Variants in MARCHF10 observed in about 807,000 individuals in gnomAD.
MARCHF10 encodes the protein probable E3 ubiquitin-protein ligase MARCHF10.
In MARCHF10, 64 loss-of-function variants were observed where a neutral mutation model predicts 76.2. That is an observed-to-expected ratio of 0.84 (90% CI 0.69 to 1.03). The LOEUF is 1.03. Ranked by LOEUF, MARCHF10 falls within the 50% of genes least tolerant of loss-of-function variation. MARCHF10 has a pLI of 0.00. For synonymous variants in MARCHF10, 340 were observed against 357.5 expected (o/e 0.95, Z 0.55); for missense variants, 875 against 958.0 (o/e 0.91, Z 1.14).
chr17:62,762,696 G>A (rs1470841410), intron 3 of MARCHF10, among the ~76,000 whole-genome samples: 5 of 152,102 alleles, frequency 3.3e-5, no homozygotes, highest in Non-Finnish European at 7.4e-5. Flanking sequence ...ACAGGCACAC[G>A]CACCATGCCT....
intron 3 of MARCHF10, among the ~76,000 whole-genome samples, chr17:62,764,748 T>C (rs1453137985): frequency 6.6e-6 from 1 of 152,236 alleles, no homozygotes; most frequent in African/African-American, 2.4e-5. Flanking sequence ...ATGTAAAATA[T>C]GTCCTGCACA....
intron 8 of MARCHF10, among the ~76,000 whole-genome samples, chr17:62,715,922 T>A (rs1053327159): frequency 1.3e-5 from 2 of 151,820 alleles, no homozygotes; most frequent in African/African-American, 2.4e-5. Context: ...CCCTCCACAC[T>A]CTCAAAGGCC....
intron 3 of MARCHF10, among the ~76,000 whole-genome samples, chr17:62,783,194 GTTTTTTTTTT>G (rs201262979): frequency 4.2e-5 from 3 of 71,366 alleles, no homozygotes; most frequent in Admixed American, 1.8e-4. Flanking sequence ...AAAATTGCCA[GTTTTTTTTTT>G]TTTTTTTTTT....
chr17:62,702,988 C>T (rs2089341715), intron 10 of MARCHF10, among the ~76,000 whole-genome samples: 1 of 152,212 alleles, frequency 6.6e-6, no homozygotes, highest in Admixed American at 6.5e-5. Flanking sequence ...GTATTGCCCC[C>T]ACTACCGACC....
At chr17:62,782,822 C>A (rs571158913) in intron 3 of MARCHF10, among the ~76,000 whole-genome samples, 100 of 152,186 alleles carry the variant, frequency 6.6e-4, no homozygotes, top group Non-Finnish European at 1.1e-3. Context: ...GCAGGATGGA[C>A]GTTATGAGAG....
chr17:62,800,394 C>T (rs775910192), intron 2 of MARCHF10, among the ~76,000 whole-genome samples: 13 of 152,138 alleles, frequency 8.5e-5, no homozygotes, highest in African/African-American at 3.1e-4. Flanking sequence ...ACTCCCAGGG[C>T]GACCAGTGTG....
chr17:62,734,459 G>A (rs1031700163), intron 6 of MARCHF10, among the ~76,000 whole-genome samples: 22 of 152,064 alleles, frequency 1.4e-4, no homozygotes, highest in African/African-American at 5.3e-4. Flanking sequence ...TGAAGTGTAC[G>A]TATGTCATGT....
intron 8 of MARCHF10, among the ~76,000 whole-genome samples, chr17:62,719,441 CTG>C (rs2090376072): frequency 6.6e-6 from 1 of 152,210 alleles, no homozygotes; most frequent in Non-Finnish European, 1.5e-5. Context: ...TCTCTTAACA[CTG>C]TAAATATTTT....
chr17:62,714,556 T>C (rs1599059664), intron 8 of MARCHF10: 1 of 202,356 alleles, frequency 4.9e-6, no homozygotes, highest in South Asian at 1.7e-4. Context: ...CAGTGCCTGG[T>C]ATACTGTGCA....
chr17:62,728,162 C>G (rs1012566686), intron 6 of MARCHF10, among the ~76,000 whole-genome samples: 2 of 152,112 alleles, frequency 1.3e-5, no homozygotes, highest in African/African-American at 2.4e-5. Flanking sequence ...GTAGCTGTGA[C>G]CACAGGTGCA....
Position 62,726,721 on chromosome 17 carries a change from C to T in MARCHF10, c.1938-1617G>A, listed in dbSNP as rs532889287. 3.0e-4 allele frequency among the ~76,000 whole-genome samples: 46 copies of T among 152,256 alleles called. No homozygotes were observed. In the Middle Eastern group the frequency reaches 0.014, roughly 45 times the overall value. The stretch of plus-strand genomic sequence containing the variant: ...GATCTCAGCTCTCTGCAACCTCTGC[C>T]GGATTCAAGCGATTCTCCTGCCTCA... On this transcript the variant is annotated intron_variant, in intron 6 of 10. Transcript: ENST00000311269.
intron 3 of MARCHF10, among the ~76,000 whole-genome samples, chr17:62,782,972 G>C (rs567125117): frequency 6.6e-6 from 1 of 152,300 alleles, no homozygotes; most frequent in Admixed American, 6.5e-5. Context: ...AAGCAGAGGT[G>C]AATTTCACTG....
chr17:62,722,689 G>T, intron 7 of MARCHF10, 92 bp from the exon 8 acceptor site: 1 of 1,023,054 alleles, frequency 9.8e-7, no homozygotes, highest in Non-Finnish European at 1.4e-6. Context: ...GTGAACTTGT[G>T]TGTGTTATGA....
At chr17:62,792,238 G>C (rs1430679285) in intron 2 of MARCHF10, among the ~76,000 whole-genome samples, 2 of 151,872 alleles carry the variant, frequency 1.3e-5, no homozygotes, top group Non-Finnish European at 2.9e-5. Flanking sequence ...ATGTCTGTGG[G>C]GATGACGTGG....
chr17:62,786,846 G>A (rs1444368902), intron 3 of MARCHF10, among the ~76,000 whole-genome samples: 1 of 152,114 alleles, frequency 6.6e-6, no homozygotes, highest in Non-Finnish European at 1.5e-5. Flanking sequence ...CTGTGCACGT[G>A]AGCCTCTGCA....
Position 62,722,557 on chromosome 17 carries a change from C to T in MARCHF10, c.2145G>A (p.Lys715=), listed in dbSNP as rs200663537. 114 of 1,613,840 alleles carry T rather than the reference C, an allele frequency of 7.1e-5. No individual in the cohort carries two copies. Among genetic ancestry groups the T allele is most frequent in the Middle Eastern group, 1.6e-4 (1 of 6,084 alleles). The change falls in exon 8 of 11, where the codon AAG becomes AAA. Residue 715 remains lysine, a synonymous_variant. Coordinates refer to ENST00000311269, the MANE Select transcript of MARCHF10 (RefSeq NM_152598.4). ...CACCCAGGTCAACCAGCAGGCCTTG[C>T]TTACACATCTCACAGGTCTTCACGG... ...LGAVKTCEMC[K]QGLLVDLGDF...
intron 2 of MARCHF10, among the ~76,000 whole-genome samples, chr17:62,792,048 G>A (rs1465684173): frequency 6.6e-6 from 1 of 152,058 alleles, no homozygotes; most frequent in Non-Finnish European, 1.5e-5. Context: ...TCTTGAAATT[G>A]AAGGCTTCAG....
chr17:62,738,577 G>A lies in MARCHF10; in HGVS notation c.536-1245C>T, dbSNP rs1017309106. On this transcript the variant is annotated intron_variant, in intron 5 of 10. Transcript: ENST00000311269. The surrounding 1 kb of genome is among the most constrained non-coding windows in gnomAD (Gnocchi z 4.0). ...GGACGGGACTCCACGGGCCCTGGAA[G>A]GTCTGTGTTGATAACAGCTCGGGCT... 5.9e-5 allele frequency among the ~76,000 whole-genome samples: 9 copies of A among 152,158 alleles called. 1 individual carries two copies. In the East Asian group the frequency reaches 1.7e-3, roughly 29 times the overall value.
chr17:62,795,322 T>A (rs2092965644), intron 2 of MARCHF10, among the ~76,000 whole-genome samples: 1 of 117,554 alleles, frequency 8.5e-6, no homozygotes. Context: ...CATTAATGGC[T>A]AAATTCTGCC....
Sources: allele counts gnomAD v4.1 joint callset (sites outside exome capture counted in the v4.1 genomes callset), GRCh38; gene constraint gnomAD v4.1.1; non-coding constraint Gnocchi (gnomAD v3.1); transcripts MANE v1.5; gene names NCBI Gene and HGNC (gene_info 2026-07-23, HGNC 2026-07-21).